The following SLC1A7 variants were observed in gnomAD, a reference collection of about 807,000 sequenced individuals.
The protein encoded by SLC1A7 is excitatory amino acid transporter 5.
SLC1A7 carries 40 observed loss-of-function variants against 47.7 expected under a neutral mutation model. That is an observed-to-expected ratio of 0.84 (90% CI 0.65 to 1.09). The LOEUF (loss-of-function observed/expected upper bound fraction) is 1.09, where lower values mean the gene tolerates loss of function less well. Among genes scored for constraint, SLC1A7 ranks in the 50% least tolerant of loss-of-function variants. The pLI is 0.00. For missense variants in SLC1A7, 746 were observed against 769.5 expected (o/e 0.97, Z 0.36); for synonymous variants, 323 against 325.6 (o/e 0.99, Z 0.09).
intron 5 of SLC1A7, among the ~76,000 whole-genome samples, chr1:53,096,546 CCCCAT>C (rs1644493531): frequency 6.6e-6 from 1 of 151,032 alleles, no homozygotes; most frequent in African/African-American, 2.4e-5. Flanking sequence ...TACACTCACA[CCCCAT>C]GCCTCAGTAC....
At chr1:53,090,047 C>A in intron 8 of SLC1A7, 113 bp from the exon 9 acceptor site, 1 of 1,152,696 alleles carries the variant, frequency 8.7e-7, no homozygotes, top group South Asian at 1.3e-5. Context: ...CCATTTGGTG[C>A]GGGGGGTGGG....
Position 53,114,990 on chromosome 1 carries a change from G to A in SLC1A7, c.216-17C>T, listed in dbSNP as rs1303139422. ...GACATCAAGCTGGGAGGGCGAGGGG[G>A]TCAGGGGCTGTGGTGGGGAGGCCAG... is the stretch of plus-strand genomic sequence containing the variant. On this transcript the variant is annotated splice_polypyrimidine_tract_variant and intron_variant, in intron 2 of 10. Coordinates refer to ENST00000371494, the MANE Select transcript of SLC1A7 (RefSeq NM_006671.6). 3.7e-6 allele frequency: 6 copies of A among 1,603,728 alleles called. No homozygotes were observed. The highest frequency in any genetic ancestry group is 5.1e-6 in the Non-Finnish European group (6 of 1,172,880).
chr1:53,088,308 G>C, intron 10 of SLC1A7, 81 bp from the exon 11 acceptor site: 1 of 1,187,006 alleles, frequency 8.4e-7, no homozygotes, highest in Non-Finnish European at 1.2e-6. Flanking sequence ...CAGTGGGGCA[G>C]AATGAGCTCA....
intron 3 of SLC1A7, among the ~76,000 whole-genome samples, chr1:53,112,377 ATG>A (rs1475466446): frequency 6.6e-6 from 1 of 152,252 alleles, no homozygotes; most frequent in African/African-American, 2.4e-5. Context: ...GCCTGCAGAC[ATG>A]TGAGTGAGCT....
chr1:53,101,608 C>G (rs964691310), intron 5 of SLC1A7, among the ~76,000 whole-genome samples: 2 of 151,488 alleles, frequency 1.3e-5, no homozygotes, highest in African/African-American at 4.9e-5. Context: ...TCAGTACACT[C>G]ACACACCCCA....
At chr1:53,110,843 G>T (rs1024378284) in intron 3 of SLC1A7, among the ~76,000 whole-genome samples, 1 of 152,032 alleles carries the variant, frequency 6.6e-6, no homozygotes, top group Non-Finnish European at 1.5e-5. Context: ...GCCAAGGCCC[G>T]TCCTAGGCCT....
intron 5 of SLC1A7, 120 bp from the exon 6 acceptor site, chr1:53,093,680 ACTCT>A (rs1425711338): frequency 1.9e-5 from 12 of 618,686 alleles, no homozygotes; most frequent in Non-Finnish European, 3.0e-5. Context: ...CACTCCCCCC[ACTCT>A]CTCTCTCCCT....
At chr1:53,104,478 T>C (rs933426544) in intron 4 of SLC1A7, among the ~76,000 whole-genome samples, 3 of 152,172 alleles carry the variant, frequency 2.0e-5, no homozygotes, top group Non-Finnish European at 4.4e-5. Context: ...AAGGGGACAT[T>C]TGACTTGAGT....
chr1:53,105,510 A>G (rs1644630721), intron 4 of SLC1A7, among the ~76,000 whole-genome samples: 1 of 152,144 alleles, frequency 6.6e-6, no homozygotes, highest in South Asian at 2.1e-4. Flanking sequence ...CCACCCCCAC[A>G]CTTTTTCATC....
chr1:53,108,861 C>T (rs995508406), intron 3 of SLC1A7, among the ~76,000 whole-genome samples: 6 of 152,204 alleles, frequency 3.9e-5, no homozygotes, highest in South Asian at 2.1e-4. Context: ...AGTCCTGACT[C>T]GTGTGTGCTC....
At chr1:53,100,365 T>G (rs1394308208) in intron 5 of SLC1A7, among the ~76,000 whole-genome samples, 1 of 148,602 alleles carries the variant, frequency 6.7e-6, no homozygotes, top group Non-Finnish European at 1.5e-5. Flanking sequence ...CTCAGTACAC[T>G]CACACGCCCC....
At chr1:53,137,160 G>A (rs71654986) in intron 1 of SLC1A7, among the ~76,000 whole-genome samples, 41,164 of 151,610 alleles carry the variant, frequency 0.27, 5,744 homozygotes, top group Middle Eastern at 0.46. Context: ...GGTGGTGCAT[G>A]CCTGTAGTCC....
At position 53,088,912 on chromosome 1, in the gene SLC1A7, A is replaced by G. The variant is rs746692660; in HGVS notation, c.1429T>C (p.Cys477Arg). Reference protein sequence around the residue: ...ALAAGIMAHICRKDFARDTGT... With the variant: ...ALAAGIMAHIRRKDFARDTGT... The stretch of plus-strand genomic sequence containing the variant: ...GTGTCCCGGGCAAAATCCTTCCGAC[A>G]TATATGGGCCATGATCCCCGCTGCC... The change falls in exon 10 of 11, where the codon TGT (cysteine) becomes CGT (arginine). Residue 477 changes from cysteine (C) to arginine (R), a missense_variant. Physicochemically the swap from Cys to Arg is radical, Grantham distance 180. Transcript: ENST00000371494. 1 of 1,614,058 alleles carries G rather than the reference A, an allele frequency of 6.2e-7. No homozygotes were observed. Among genetic ancestry groups the G allele is most frequent in the South Asian group, 1.1e-5 (1 of 91,072 alleles).
At chr1:53,096,018 A>C (rs1369885973) in intron 5 of SLC1A7, among the ~76,000 whole-genome samples, 2 of 120,278 alleles carry the variant, frequency 1.7e-5, no homozygotes, top group African/African-American at 3.3e-5. Flanking sequence ...CACTCACTCC[A>C]CCTCAGTACA....
rs754498049 is a variant in SLC1A7 at position 53,089,992 on chromosome 1, G to T, written c.1227-58C>A. 17 of 1,596,520 alleles carry T rather than the reference G, an allele frequency of 1.1e-5. No individual in the cohort carries two copies. In the Admixed American group the frequency reaches 2.9e-4, roughly 27 times the overall value. On this transcript the variant is annotated intron_variant, in intron 8 of 10. Coordinates refer to ENST00000371494, the MANE Select transcript of SLC1A7 (RefSeq NM_006671.6). ...AGGAGGGGCAGGGTGCATTGTCAGG[G>T]TCTGGCTCCAAGGAAGAGGTTGAGT...
intron 1 of SLC1A7, among the ~76,000 whole-genome samples, chr1:53,139,166 G>C (rs1645031116): frequency 6.6e-6 from 1 of 152,190 alleles, no homozygotes; most frequent in African/African-American, 2.4e-5. Flanking sequence ...TCAACTGACG[G>C]CCCTCAGGGC....
intron 2 of SLC1A7, among the ~76,000 whole-genome samples, chr1:53,116,406 T>A (rs543000989): frequency 6.6e-6 from 1 of 152,280 alleles, no homozygotes; most frequent in East Asian, 1.9e-4. Flanking sequence ...CAGGTTCTGA[T>A]TGAATGCTGG....
rs751397050 is a variant in SLC1A7 at position 53,090,654 on chromosome 1, A to G, written c.1184T>C (p.Val395Ala). ...EAVAAIFIAQVNNYELDFGQI... is the reference protein window; with the variant it reads ...EAVAAIFIAQANNYELDFGQI... Reference sequence around the variant, plus strand: ...GCCAAAGTCCAGCTCGTAGTTGTTGACCTGGGCGATGAAGATGGCGGCCAC... The same window carrying G: ...GCCAAAGTCCAGCTCGTAGTTGTTGGCCTGGGCGATGAAGATGGCGGCCAC... The change falls in exon 8 of 11, where the codon GTC becomes GCC. Residue 395 changes from valine to alanine, a missense_variant. Val to Ala is a moderately conservative substitution (Grantham distance 64, BLOSUM62 0). Transcript: ENST00000371494. The G allele has an allele frequency of 1.9e-6, 3 of 1,609,986 alleles. No individual in the cohort carries two copies. The Admixed American group carries it at 5.0e-5, about 27-fold the overall frequency.
chr1:53,104,971 C>T (rs1457223096), intron 4 of SLC1A7, among the ~76,000 whole-genome samples: 2 of 152,166 alleles, frequency 1.3e-5, no homozygotes, highest in Non-Finnish European at 2.9e-5. Context: ...TAAATTACAG[C>T]GCAGCCTTAT....
Sources: allele counts gnomAD v4.1 joint callset (sites outside exome capture counted in the v4.1 genomes callset), GRCh38; gene constraint gnomAD v4.1.1; transcripts MANE v1.5; gene names NCBI Gene and HGNC (gene_info 2026-07-23, HGNC 2026-07-21).